LAYN: variants seen among roughly 807,000 people sequenced by gnomAD.
LAYN encodes layilin.
A neutral mutation model predicts 43.6 loss-of-function variants in LAYN; 38 were observed. The observed-to-expected ratio is 0.87, with a 90% confidence interval of 0.67 to 1.14. The LOEUF (loss-of-function observed/expected upper bound fraction) is 1.14, where lower values mean the gene tolerates loss of function less well. Among genes scored for constraint, LAYN ranks in the 50% most tolerant of loss-of-function variants. The pLI, the probability that LAYN is intolerant of heterozygous loss-of-function variation, is 0.00. For synonymous variants in LAYN, 168 were observed against 172.9 expected, an observed-to-expected ratio of 0.97 and a Z score of 0.22; for missense variants, 479 against 463.8, an observed-to-expected ratio of 1.03 and a Z score of -0.30.
In LAYN at chr11:111,544,103, T is replaced by C. The variant is rs1867600681; in HGVS notation, c.266T>C (p.Leu89Pro). The part of the protein sequence containing the change: ...QKLIEKFIEN[L>P]LPSDGDFWIG... The stretch of plus-strand genomic sequence containing the variant: ...CTGATAGAAAAGTTCATTGAAAACC[T>C]CTTGCCATCTGATGGTGACTTCTGG... The change falls in exon 2 of 7, where the codon CTC becomes CCC. Residue 89 changes from leucine (L) to proline (P), a missense_variant. Physicochemically the swap from Leu to Pro is moderately conservative, Grantham distance 98 (BLOSUM62 -3). Transcript: ENST00000375614. 2.5e-6 allele frequency: 4 copies of C among 1,614,168 alleles called. No homozygotes were observed. Among genetic ancestry groups the C allele is most frequent in the African/African-American group, 1.3e-5 (1 of 75,032 alleles).
chr11:111,560,207 G>A lies in LAYN; in HGVS notation c.874G>A (p.Glu292Lys), dbSNP rs764266116. 2.6e-5 allele frequency: 42 copies of A among 1,614,088 alleles called. No homozygotes were observed. Among genetic ancestry groups the A allele is most frequent in the Admixed American group, 2.3e-4 (14 of 60,008 alleles). The change falls in exon 7 of 7, where the codon GAA becomes AAA. Residue 292 changes from glutamate to lysine, a missense_variant. Glu to Lys is a moderately conservative substitution (Grantham distance 56, BLOSUM62 1). Transcript: ENST00000375614. ...CTACAATGTCATAAGAAAACAAAGC[G>A]AAGCTGACTTAGCTGAGACCCGGCC... ...EVYNVIRKQSEADLAETRPDL... is the reference protein window; with the variant it reads ...EVYNVIRKQSKADLAETRPDL...
At chr11:111,549,597 C>T (rs1867703929) in intron 2 of LAYN, 21 bp from the exon 3 acceptor site, 1 of 1,513,966 alleles carries the variant, frequency 6.6e-7, no homozygotes, top group African/African-American at 1.4e-5. Flanking sequence ...GTTGCCTCTA[C>T]TGCTGATCCC....
chr11:111,558,394 T>C (rs1342752195), intron 6 of LAYN, among the ~76,000 whole-genome samples: 1 of 152,174 alleles, frequency 6.6e-6, no homozygotes, highest in Admixed American at 6.5e-5. Context: ...GTAAAATCTA[T>C]TTCAGTTAAT....
intron 2 of LAYN, among the ~76,000 whole-genome samples, chr11:111,545,349 T>C (rs1041789035): frequency 3.3e-5 from 5 of 152,202 alleles, no homozygotes; most frequent in African/African-American, 1.2e-4. Flanking sequence ...GTCTCAACGG[T>C]TGACCTTGTG....
upstream of LAYN, chr11:111,540,587 C>G (rs1247858530): frequency 2.0e-6 from 1 of 492,106 alleles, no homozygotes; most frequent in East Asian, 3.7e-5. Context: ...TCTGGCTGGC[C>G]GAGTGTCTGG....
Position 111,543,962 on chromosome 11 carries a change from A to T in LAYN, c.125A>T (p.Tyr42Phe). 1.2e-6 allele frequency: 2 copies of T among 1,614,068 alleles called. No homozygotes were observed. Among genetic ancestry groups the T allele is most frequent in the Non-Finnish European group, 1.7e-6 (2 of 1,180,014 alleles). Residue 42 changes from tyrosine (Y) to phenylalanine (F), a missense_variant, in exon 2 of 7, where the codon TAT (tyrosine) becomes TTT (phenylalanine). Transcript: ENST00000375614. ...CGGGGAGGGACACAGAGGCCTTGTT[A>T]TAAAGTCATTTACTTCCATGATACT... ...VCRGGTQRPC[Y>F]KVIYFHDTSR...
intron 4 of LAYN, 58 bp from the exon 5 acceptor site, chr11:111,555,149 A>G: frequency 8.2e-6 from 11 of 1,347,308 alleles, no homozygotes; most frequent in Non-Finnish European, 1.2e-5. Context: ...GTAGGACCTC[A>G]AAGAATACCT....
At chr11:111,541,387 C>G in intron 1 of LAYN, 2 of 646,486 alleles carry the variant, frequency 3.1e-6, no homozygotes, top group Non-Finnish European at 5.5e-6. Context: ...ATCCCCGGTG[C>G]CGTGGGAACC....
Position 111,559,772 on chromosome 11 carries a change from G to GT in LAYN, c.762-316dup, listed in dbSNP as rs201874687. On this transcript the variant is annotated intron_variant, in intron 6 of 6. Coordinates refer to ENST00000375614, the MANE Select transcript of LAYN (RefSeq NM_178834.5). The stretch of plus-strand genomic sequence containing the variant: ...CTGTGCACAGCTGAGGTGTTTTTTT[G>GT]TTTTTTTGGGTTTTTTTTGTAATGT... Among the ~76,000 whole-genome samples, 798 of 151,896 alleles carry GT rather than the reference G, an allele frequency of 5.3e-3. 7 individuals are homozygous for GT. The highest frequency in any genetic ancestry group is 0.018 in the African/African-American group (738 of 41,416).
At chr11:111,556,437 G>A (rs1450501315) in intron 5 of LAYN, among the ~76,000 whole-genome samples, 2 of 152,148 alleles carry the variant, frequency 1.3e-5, no homozygotes, top group Non-Finnish European at 2.9e-5. Context: ...ATCATCACAT[G>A]GTTGGTCTTT....
intron 6 of LAYN, among the ~76,000 whole-genome samples, chr11:111,558,321 G>A (rs1444014936): frequency 6.6e-6 from 1 of 152,056 alleles, no homozygotes; most frequent in Non-Finnish European, 1.5e-5. Context: ...GGAAAACTAA[G>A]GCCCAATTTA....
chr11:111,557,608 C>T lies in LAYN; in HGVS notation c.726C>T (p.Thr242=), dbSNP rs1367572922. ...CCCTTCTCCTCCTCCTTGTGGTCAC[C>T]ACAGTTGTATGTTGGGTTTGGATCT... is the stretch of plus-strand genomic sequence containing the variant. ...SIPLLLLLVV[T]TVVCWVWICR... is the part of the protein sequence containing the mutation. Residue 242 remains threonine (T), a synonymous_variant, in exon 6 of 7, where the codon ACC becomes ACT. Coordinates refer to ENST00000375614, the MANE Select transcript of LAYN (RefSeq NM_178834.5). 1.2e-6 allele frequency: 2 copies of T among 1,614,120 alleles called. No homozygotes were observed. The highest frequency in any genetic ancestry group is 1.7e-6 in the Non-Finnish European group (2 of 1,179,988).
intron 3 of LAYN, among the ~76,000 whole-genome samples, chr11:111,551,898 A>G (rs772114439): frequency 6.6e-6 from 1 of 152,190 alleles, no homozygotes; most frequent in Non-Finnish European, 1.5e-5. Flanking sequence ...TACTGTGGTT[A>G]TACATGAAAA....
Position 111,560,682 on chromosome 11 carries a change from A to G in LAYN, c.*224A>G. The G allele has an allele frequency of 1.9e-6, 1 of 536,926 alleles. No homozygotes were observed. Among genetic ancestry groups the G allele is most frequent in the Non-Finnish European group, 3.3e-6 (1 of 301,954 alleles). The allele number at this position is 536,926 out of a possible 1,614,324, so 33.3% of individuals were successfully genotyped here. ...GACCTTATGAGAAGGTACCTTGCCC[A>G]GGTCTGGCACATAGTAGAGTCTCAA... On this transcript the variant is annotated 3_prime_UTR_variant, in exon 7 of 7. Coordinates refer to ENST00000375614, the MANE Select transcript of LAYN (RefSeq NM_178834.5).
At position 111,560,698 on chromosome 11, in the gene LAYN, A is replaced by G. The variant is rs1362208507; in HGVS notation, c.*240A>G. ...ACCTTGCCCAGGTCTGGCACATAGT[A>G]GAGTCTCAATAAATGTCACTTGGTT... On this transcript the variant is annotated 3_prime_UTR_variant, in exon 7 of 7. Coordinates refer to ENST00000375614, the MANE Select transcript of LAYN (RefSeq NM_178834.5). The G allele has an allele frequency of 2.0e-6, 1 of 491,100 alleles. No individual in the cohort carries two copies. The allele number at this position is 491,100 out of a possible 1,614,324, so 30.4% of individuals were successfully genotyped here.
Position 111,560,702 on chromosome 11 carries a change from T to A in LAYN, c.*244T>A, listed in dbSNP as rs1867941643. 6.3e-6 allele frequency: 3 copies of A among 474,170 alleles called. No individual in the cohort carries two copies. The highest frequency in any genetic ancestry group is 7.6e-6 in the Non-Finnish European group (2 of 264,640). 29.4% of individuals were successfully genotyped at this position (474,170 alleles called of 1,614,324 possible). On this transcript the variant is annotated 3_prime_UTR_variant, in exon 7 of 7. Transcript: ENST00000375614. ...TGCCCAGGTCTGGCACATAGTAGAG[T>A]CTCAATAAATGTCACTTGGTTGGTT...
intron 1 of LAYN, chr11:111,541,650 C>T: frequency 1.4e-6 from 2 of 1,452,632 alleles, no homozygotes; most frequent in Non-Finnish European, 1.9e-6. Context: ...ACATCCGTGC[C>T]CTTTTCTCAG....
chr11:111,552,502 A>G (rs1202348289), intron 3 of LAYN, among the ~76,000 whole-genome samples: 1 of 152,216 alleles, frequency 6.6e-6, no homozygotes, highest in East Asian at 1.9e-4. Flanking sequence ...GATTTGAGAA[A>G]ATAATCATGT....
intron 1 of LAYN, chr11:111,541,620 TTC>T (rs1439751927): frequency 1.3e-6 from 2 of 1,531,628 alleles, no homozygotes; most frequent in Non-Finnish European, 8.8e-7. Flanking sequence ...CTTTCAGTTG[TTC>T]TGCATGTCGG....
Sources: allele counts gnomAD v4.1 joint callset (sites outside exome capture counted in the v4.1 genomes callset), GRCh38; gene constraint gnomAD v4.1.1; transcripts MANE v1.5; gene names NCBI Gene and HGNC (gene_info 2026-07-23, HGNC 2026-07-21).